The following NLRC4 variants were observed in gnomAD, a reference collection of about 807,000 sequenced individuals.
NLRC4 encodes the protein NLR family CARD domain-containing protein 4.
NLRC4 carries 63 observed loss-of-function variants against 79.9 expected under a neutral mutation model. That is an observed-to-expected ratio of 0.79 (90% CI 0.64 to 0.97). The LOEUF (loss-of-function observed/expected upper bound fraction) is 0.97, where lower values mean the gene tolerates loss of function less well. Among genes scored for constraint, NLRC4 ranks in the 50% least tolerant of loss-of-function variants. The probability of loss-of-function intolerance (pLI) is 0.00; values close to 1 mark genes in which losing one functional copy is unlikely to be tolerated. For synonymous variants in NLRC4, 461 were observed against 456.5 expected (o/e 1.01, Z -0.12); for missense variants, 1,074 against 1,215.2 (o/e 0.88, Z 1.73).
At chr2:32,231,563 A>AT (rs1231593314) in intron 8 of NLRC4, among the ~76,000 whole-genome samples, 10 of 48,678 alleles carry the variant, frequency 2.1e-4, no homozygotes, top group Admixed American at 1.6e-3. Flanking sequence ...TTCTTTTTCT[A>AT]TTTTTTTTTG....
chr2:32,244,913 G>T (rs1686895491), intron 4 of NLRC4, among the ~76,000 whole-genome samples: 1 of 151,822 alleles, frequency 6.6e-6, no homozygotes, highest in Non-Finnish European at 1.5e-5. Context: ...AGAAGGAGGA[G>T]GAAGAGGAGG....
chr2:32,251,281 TCAGAGCCTTG>T lies in NLRC4; in HGVS notation c.573_582del (p.Cys191Ter). ...AGGAAGAAGACGAATTTGAACTTGG[TCAGAGCCTTG>T]CACTTTCCGGAGCCCCAGAGCATGG... On this transcript the variant is annotated frameshift_variant, in exon 4 of 9. Coordinates refer to ENST00000402280, the MANE Select transcript of NLRC4 (RefSeq NM_001199138.2). LOFTEE classifies it high-confidence loss of function. The T allele has an allele frequency of 1.9e-6, 3 of 1,614,134 alleles. No homozygotes were observed. The highest frequency in any genetic ancestry group is 2.5e-6 in the Non-Finnish European group (3 of 1,180,026).
chr2:32,238,132 C>G lies in NLRC4; in HGVS notation c.2521G>C (p.Ala841Pro), dbSNP rs1336447376. The G allele has an allele frequency of 6.2e-7, 1 of 1,612,306 alleles. No homozygotes were observed. Among genetic ancestry groups the G allele is most frequent in the Non-Finnish European group, 8.5e-7 (1 of 1,179,174 alleles). Residue 841 changes from alanine to proline, a missense_variant and splice_region_variant, in exon 6 of 9, where the codon GCT becomes CCT. Physicochemically the swap from Ala to Pro is conservative, Grantham distance 27 (BLOSUM62 -1). Transcript: ENST00000402280. Reference protein sequence around the residue: ...CLSANAVKILAQNLHNLVKLS... With the variant: ...CLSANAVKILPQNLHNLVKLS... Reference sequence around the variant, plus strand: ...TTCAGTTAATGGAAGCAACAGTTACCTAGGATTTTCACTGCATTTGCAGAC... The same window carrying G: ...TTCAGTTAATGGAAGCAACAGTTACGTAGGATTTTCACTGCATTTGCAGAC...
intron 1 of NLRC4, among the ~76,000 whole-genome samples, chr2:32,260,763 A>G (rs1406617170): frequency 6.6e-6 from 1 of 152,200 alleles, no homozygotes; most frequent in Non-Finnish European, 1.5e-5. Flanking sequence ...GGCCAGATAG[A>G]GACCCCATCT....
chr2:32,257,825 C>G (rs1337823933), intron 1 of NLRC4, among the ~76,000 whole-genome samples: 2 of 151,974 alleles, frequency 1.3e-5, no homozygotes, highest in Non-Finnish European at 1.5e-5. Context: ...GGGGATCATA[C>G]AGATGGGCGG....
At chr2:32,226,913 C>G (rs1686414709) in intron 8 of NLRC4, among the ~76,000 whole-genome samples, 1 of 152,002 alleles carries the variant, frequency 6.6e-6, no homozygotes. Context: ...AGACAGACTG[C>G]TAGTTGTTCC....
chr2:32,261,998 T>C (rs984617693), intron 1 of NLRC4, among the ~76,000 whole-genome samples: 5 of 151,956 alleles, frequency 3.3e-5, no homozygotes, highest in Non-Finnish European at 7.4e-5. Context: ...GGAGAATCAC[T>C]TGAACCAGGG....
chr2:32,251,693 G>A, intron 3 of NLRC4, 92 bp from the exon 4 acceptor site: 1 of 828,780 alleles, frequency 1.2e-6, no homozygotes, highest in East Asian at 2.5e-5. Flanking sequence ...GTGAGGCTGA[G>A]AATCTGCCAT....
intron 8 of NLRC4, among the ~76,000 whole-genome samples, chr2:32,231,090 G>C (rs963818857): frequency 2.0e-5 from 3 of 152,090 alleles, no homozygotes; most frequent in African/African-American, 7.2e-5. Context: ...TGAAATGTCT[G>C]TTCAGATTCT....
rs115661114 is a variant in NLRC4 at position 32,256,823 on chromosome 2, T to C, written c.-48A>G. ...CCTTTCTATAACACAATAGAAAATA[T>C]TATTTCCAAATGGAAAGGTCAAAGG... On this transcript the variant is annotated 5_prime_UTR_variant, in exon 2 of 9. Transcript: ENST00000402280. 1,923 of 779,966 alleles carry C rather than the reference T, an allele frequency of 2.5e-3. 33 individuals are homozygous for C. The African/African-American group carries it at 0.029, about 12-fold the overall frequency. 48.3% of individuals were successfully genotyped at this position (779,966 alleles called of 1,614,324 possible).
At chr2:32,259,290 T>TTTTTTG (rs1687283988) in intron 1 of NLRC4, among the ~76,000 whole-genome samples, 2 of 131,034 alleles carry the variant, frequency 1.5e-5, no homozygotes, top group Non-Finnish European at 3.2e-5. Context: ...TTTTTTTTTT[T>TTTTTTG]AGAGACAGAG....
chr2:32,232,914 TAGAA>T (rs1686571848), intron 8 of NLRC4, among the ~76,000 whole-genome samples: 1 of 151,966 alleles, frequency 6.6e-6, no homozygotes. Flanking sequence ...TGCATGCTCA[TAGAA>T]TGAATGGATG....
At chr2:32,227,098 T>C (rs551148635) in intron 8 of NLRC4, among the ~76,000 whole-genome samples, 16 of 152,018 alleles carry the variant, frequency 1.1e-4, no homozygotes, top group African/African-American at 3.9e-4. Context: ...TTCTACTAGG[T>C]TGAAATGATC....
chr2:32,255,891 G>A (rs542914499), intron 2 of NLRC4, among the ~76,000 whole-genome samples: 41 of 152,106 alleles, frequency 2.7e-4, no homozygotes, highest in Middle Eastern at 3.4e-3. Context: ...GCACGCGCCT[G>A]TGGTCCCAGC....
At chr2:32,241,225 A>G (rs747970281) in intron 4 of NLRC4, 100 bp from the exon 5 acceptor site, 13 of 741,794 alleles carry the variant, frequency 1.8e-5, no homozygotes, top group African/African-American at 1.1e-4. Flanking sequence ...AAAGATTTTA[A>G]TGATCATCAT....
chr2:32,235,864 C>T (rs570690372), intron 7 of NLRC4, among the ~76,000 whole-genome samples: 3 of 152,154 alleles, frequency 2.0e-5, no homozygotes, highest in Non-Finnish European at 4.4e-5. Context: ...TAAAGCAAAT[C>T]ATGGACAATA....
At chr2:32,226,293 C>A (rs1686394485) in intron 8 of NLRC4, among the ~76,000 whole-genome samples, 1 of 152,168 alleles carries the variant, frequency 6.6e-6, no homozygotes, top group Non-Finnish European at 1.5e-5. Flanking sequence ...ACTGCATGGC[C>A]TTGTGTAGTT....
intron 1 of NLRC4, among the ~76,000 whole-genome samples, chr2:32,257,828 A>T (rs992216071): frequency 6.6e-6 from 1 of 151,872 alleles, no homozygotes; most frequent in African/African-American, 2.4e-5. Context: ...GATCATACAG[A>T]TGGGCGGGCT....
In NLRC4 at chr2:32,249,701, G is replaced by C. The variant is rs1482373969; in HGVS notation, c.2163C>G (p.Ala721=). 5 of 1,614,030 alleles carry C rather than the reference G, an allele frequency of 3.1e-6. No homozygotes were observed. The highest frequency in any genetic ancestry group is 4.2e-6 in the Non-Finnish European group (5 of 1,179,894). Residue 721 remains alanine, a synonymous_variant, in exon 4 of 9, where the codon GCC becomes GCG. Transcript: ENST00000402280. Reference sequence around the variant, plus strand: ...TCTCATCTTCTATGGTGAGGGGACTGGCTTCCACCATGAGAGAATAAATGT... The same window carrying C: ...TCTCATCTTCTATGGTGAGGGGACTCGCTTCCACCATGAGAGAATAAATGT... The part of the protein sequence containing the change: ...CKNIYSLMVE[A]SPLTIEDERH...
Sources: gnomAD v4.1 joint callset for allele counts (sites outside exome capture counted in the v4.1 genomes callset) on GRCh38, gnomAD v4.1.1 for gene constraint, MANE v1.5 for transcripts, NCBI Gene and HGNC (gene_info 2026-07-23, HGNC 2026-07-21) for gene names.